COLEC10: variants seen among roughly 807,000 people sequenced by gnomAD.
COLEC10 encodes collectin subfamily member 10, also known as collectin-10.
A neutral mutation model predicts 28.4 loss-of-function variants in COLEC10; 22 were observed. The ratio of observed to expected loss-of-function variants is 0.78; its 90% CI spans 0.55 to 1.11. The LOEUF (loss-of-function observed/expected upper bound fraction) is 1.11. Among genes scored for constraint, COLEC10 ranks in the 50% least tolerant of loss-of-function variants. The pLI, the probability that COLEC10 is intolerant of heterozygous loss-of-function variation, is 0.00. For missense variants in COLEC10, 361 were observed against 344.1 expected (o/e 1.05, Z -0.39); for synonymous variants, 125 against 116.1 (o/e 1.08, Z -0.49).
intron 1 of COLEC10, among the ~76,000 whole-genome samples, chr8:118,999,935 G>T (rs1013430066): frequency 3.3e-5 from 5 of 152,142 alleles, no homozygotes; most frequent in Non-Finnish European, 7.3e-5. Flanking sequence ...AGCAGATATT[G>T]AAATGATAGC....
chr8:119,057,702 A>G lies in COLEC10; in HGVS notation n.236-31978A>G, dbSNP rs530206710. On this transcript the variant is annotated intron_variant and non_coding_transcript_variant, in intron 2 of 6. Transcript: ENST00000521788. ...TGAGTAGATGAATAAATGCACTTTC[A>G]TTACACATATCTATCATTCAAGCTC... Among the ~76,000 whole-genome samples the G allele has an allele frequency of 3.3e-5, 5 of 152,222 alleles. 1 individual carries two copies. The highest frequency in any genetic ancestry group is 1.2e-4 in the African/African-American group (5 of 41,568).
intron 2 of COLEC10, among the ~76,000 whole-genome samples, chr8:119,059,460 A>G (rs2130192752): frequency 6.6e-6 from 1 of 152,064 alleles, no homozygotes; most frequent in South Asian, 2.1e-4. Flanking sequence ...TGTTGAAAAG[A>G]CCCCCGAACA....
At chr8:119,017,470 A>T (rs2326193) in intron 2 of COLEC10, among the ~76,000 whole-genome samples, 1 of 152,074 alleles carries the variant, frequency 6.6e-6, no homozygotes, top group African/African-American at 2.4e-5. Flanking sequence ...GTGCTTGAAG[A>T]ATTGTGTCGA....
intron 2 of COLEC10, among the ~76,000 whole-genome samples, chr8:119,029,961 C>T (rs12056813): frequency 0.029 from 4,404 of 152,238 alleles, 121 homozygotes; most frequent in East Asian, 0.16. Flanking sequence ...GTCTCCTTAA[C>T]TATATATGTA....
intron 2 of COLEC10, among the ~76,000 whole-genome samples, chr8:119,060,234 T>G (rs1371228496): frequency 6.6e-6 from 1 of 152,132 alleles, no homozygotes; most frequent in Non-Finnish European, 1.5e-5. Context: ...AAAAGTGTTT[T>G]GGAAGCTAGC....
At chr8:118,973,335 G>A in the COLEC10 span, among the ~76,000 whole-genome samples, 1 of 151,902 alleles carries the variant, frequency 6.6e-6, no homozygotes, top group South Asian at 2.1e-4. Flanking sequence ...TCTTCTATAA[G>A]ACTGCAATCA....
upstream of COLEC10, among the ~76,000 whole-genome samples, chr8:118,993,252 AT>A (rs1813532238): frequency 6.6e-6 from 1 of 151,832 alleles, no homozygotes. Context: ...TGTCAGCAGG[AT>A]TTTTTTTCCC....
chr8:119,036,378 T>C (rs1814389537), intron 2 of COLEC10, among the ~76,000 whole-genome samples: 1 of 152,232 alleles, frequency 6.6e-6, no homozygotes, highest in Admixed American at 6.5e-5. Context: ...CTCAGTTGTT[T>C]AGATGTGCCA....
intron 2 of COLEC10, among the ~76,000 whole-genome samples, chr8:119,051,526 T>G (rs1814672977): frequency 1.3e-5 from 2 of 152,138 alleles, no homozygotes; most frequent in African/African-American, 4.8e-5. Flanking sequence ...GTCTGAGACT[T>G]GATCACAAGC....
the COLEC10 span, among the ~76,000 whole-genome samples, chr8:118,980,772 T>C: frequency 6.6e-6 from 1 of 152,092 alleles, no homozygotes; most frequent in Non-Finnish European, 1.5e-5. Flanking sequence ...TCAGTTGACA[T>C]ATTGATTGTA....
At chr8:119,018,036 G>A (rs947059079) in intron 2 of COLEC10, among the ~76,000 whole-genome samples, 20 of 152,250 alleles carry the variant, frequency 1.3e-4, no homozygotes, top group African/African-American at 4.8e-4. Flanking sequence ...ATTATTCTAG[G>A]AGGGGACAAA....
intron 5 of COLEC10, among the ~76,000 whole-genome samples, chr8:119,104,743 T>C (rs1815904530): frequency 6.6e-6 from 1 of 152,206 alleles, no homozygotes; most frequent in African/African-American, 2.4e-5. Context: ...TGATATTAAC[T>C]AACCACACTA....
chr8:119,045,082 CA>C (rs1301183398), intron 2 of COLEC10, among the ~76,000 whole-genome samples: 2 of 152,012 alleles, frequency 1.3e-5, no homozygotes, highest in African/African-American at 4.8e-5. Context: ...CCTATTAATC[CA>C]CTAATTACTC....
chr8:119,081,834 G>C (rs1293086940), intron 1 of COLEC10, among the ~76,000 whole-genome samples: 2 of 152,194 alleles, frequency 1.3e-5, no homozygotes, highest in Non-Finnish European at 2.9e-5. Flanking sequence ...GAATTGGATA[G>C]TAGAATGGTG....
chr8:118,979,434 C>G, the COLEC10 span, among the ~76,000 whole-genome samples: 2 of 151,738 alleles, frequency 1.3e-5, no homozygotes, highest in Admixed American at 1.3e-4. Flanking sequence ...AAATTTTTGA[C>G]ATTATTAAAA....
chr8:118,970,604 T>C, the COLEC10 span, among the ~76,000 whole-genome samples: 1 of 151,588 alleles, frequency 6.6e-6, no homozygotes, highest in South Asian at 2.1e-4. Context: ...TCTCAATATA[T>C]GTTTATGCCT....
chr8:118,994,367 G>GAGCC, upstream of COLEC10, among the ~76,000 whole-genome samples: 1 of 152,276 alleles, frequency 6.6e-6, no homozygotes, highest in African/African-American at 2.4e-5. Flanking sequence ...GAACCTGAAA[G>GAGCC]AGCCAATTTA....
At chr8:119,021,741 C>G (rs2130108200) in intron 2 of COLEC10, among the ~76,000 whole-genome samples, 1 of 152,232 alleles carries the variant, frequency 6.6e-6, no homozygotes, top group South Asian at 2.1e-4. Context: ...AAGCCTGGCC[C>G]TCGTAGTAAA....
chr8:119,091,280 T>C (rs1587057874), intron 3 of COLEC10, 60 bp downstream of exon 3: 1 of 1,262,488 alleles, frequency 7.9e-7, no homozygotes, highest in East Asian at 2.3e-5. Context: ...CCGGGTACGA[T>C]GGCTCACACC....
Sources: gnomAD v4.1 joint callset for allele counts (sites outside exome capture counted in the v4.1 genomes callset) on GRCh38, gnomAD v4.1.1 for gene constraint, MANE v1.5 for transcripts, NCBI Gene and HGNC (gene_info 2026-07-23, HGNC 2026-07-21) for gene names.